SRCIN1: variants seen among roughly 807,000 people sequenced by gnomAD.
The protein encoded by SRCIN1 is SRC kinase signaling inhibitor 1, also known as P130Cas-associated protein.
SRCIN1 carries 50 observed loss-of-function variants against 116.2 expected under a neutral mutation model. The ratio of observed to expected loss-of-function variants is 0.43; its 90% CI spans 0.34 to 0.54. The LOEUF (loss-of-function observed/expected upper bound fraction) is 0.54, where lower values mean the gene tolerates loss of function less well. Ranked by LOEUF, SRCIN1 falls within the 20% of genes least tolerant of loss-of-function variation. SRCIN1 has a pLI of 0.02. For synonymous variants in SRCIN1, 736 were observed against 750.0 expected, an observed-to-expected ratio of 0.98 and a Z score of 0.30; for missense variants, 1,446 against 1,672.0, an observed-to-expected ratio of 0.86 and a Z score of 2.36.
chr17:38,559,695 CG>C lies in SRCIN1; in HGVS notation c.1914del (p.Ala639GlnfsTer48). ...CGGCTAACGGCGGTAGGCTGACCTG[CG>C]GGGGTGCTGCTGGCCGAGGGCGGGG... ...GPPPPSASSTPAGQPTAVSRL... is the reference protein window; with the variant it reads ...GPPPPSASSTXAGQPTAVSRL... On this transcript the variant is annotated frameshift_variant, in exon 10 of 19. Coordinates refer to ENST00000617146, the MANE Select transcript of SRCIN1 (RefSeq NM_025248.3). LOFTEE classifies it high-confidence loss of function. 6.6e-7 allele frequency: 1 copy of C among 1,508,526 alleles called. No individual in the cohort carries two copies. 93.4% of individuals were successfully genotyped at this position (1,508,526 alleles called of 1,614,324 possible).
At chr17:38,565,097 T>C (rs1457984591) in intron 3 of SRCIN1, among the ~76,000 whole-genome samples, 1 of 151,756 alleles carries the variant, frequency 6.6e-6, no homozygotes, top group African/African-American at 2.4e-5. Context: ...CTGAGGCTGA[T>C]ATCTGGCTGG....
At chr17:38,559,427 G>A (rs1906046924) in intron 10 of SRCIN1, 158 bp downstream of exon 10, 1 of 721,070 alleles carries the variant, frequency 1.4e-6, no homozygotes. Context: ...AGGGGAAGGG[G>A]AGAAAGGGTT....
Position 38,558,052 on chromosome 17 carries a change from CAA to C in SRCIN1, c.2201+173_2201+174del, listed in dbSNP as rs988521713. Reference sequence around the variant, plus strand: ...GAAATCAGGAATAATGCCAGCCGGTCAAAAGTTTGTGGGTCACAGTGAAATCA... The same window carrying C: ...GAAATCAGGAATAATGCCAGCCGGTCAAGTTTGTGGGTCACAGTGAAATCA... On this transcript the variant is annotated intron_variant, in intron 11 of 18. Coordinates refer to ENST00000617146, the MANE Select transcript of SRCIN1 (RefSeq NM_025248.3). This position sits in a 1 kb window ranked among gnomAD's most constrained non-coding sequence, Gnocchi z 4.6. 2.6e-5 allele frequency among the ~76,000 whole-genome samples: 4 copies of C among 152,166 alleles called. No homozygotes were observed. The highest frequency in any genetic ancestry group is 4.4e-5 in the Non-Finnish European group (3 of 68,048).
chr17:38,585,720 G>A lies in SRCIN1; in HGVS notation c.23-6929C>T, dbSNP rs917638883. Among the ~76,000 whole-genome samples the A allele has an allele frequency of 1.7e-4, 26 of 152,098 alleles. No homozygotes were observed. The highest frequency in any genetic ancestry group is 5.8e-4 in the African/African-American group (24 of 41,398). ...ACCACAGCAACCAAAGTCATTTTCCGGGCAATTGCCTTTCTGTAAACATTC... is the reference window on the plus strand; with the variant it reads ...ACCACAGCAACCAAAGTCATTTTCCAGGCAATTGCCTTTCTGTAAACATTC... On this transcript the variant is annotated intron_variant, in intron 1 of 18. Coordinates refer to ENST00000617146, the MANE Select transcript of SRCIN1 (RefSeq NM_025248.3). The surrounding 1 kb of genome is among the most constrained non-coding windows in gnomAD (Gnocchi z 4.2).
chr17:38,559,028 C>A, intron 10 of SRCIN1: 1 of 165,744 alleles, frequency 6.0e-6, no homozygotes, highest in Non-Finnish European at 1.3e-5. Flanking sequence ...TGGCAATTCT[C>A]TGCCCCCTCC....
intron 2 of SRCIN1, among the ~76,000 whole-genome samples, 164 bp downstream of exon 2, chr17:38,578,326 C>G (rs549398865): frequency 1.3e-5 from 2 of 152,336 alleles, no homozygotes; most frequent in Non-Finnish European, 2.9e-5. Context: ...ACCAGAGCCA[C>G]TGCCCTGGAG....
chr17:38,589,386 C>T (rs547777717), intron 1 of SRCIN1, among the ~76,000 whole-genome samples: 11 of 152,334 alleles, frequency 7.2e-5, no homozygotes, highest in Admixed American at 5.2e-4. Flanking sequence ...CTCGCTAAAG[C>T]GCCAGGTGGA....
At chr17:38,600,756 T>C (rs1312445144) in intron 1 of SRCIN1, among the ~76,000 whole-genome samples, 1 of 152,222 alleles carries the variant, frequency 6.6e-6, no homozygotes, top group Non-Finnish European at 1.5e-5. Flanking sequence ...ACAGGCAACT[T>C]TGGTGAATTC....
In SRCIN1 at chr17:38,563,882, G is replaced by A; in HGVS notation, c.541+236C>T. The A allele has an allele frequency of 1.6e-6, 1 of 612,116 alleles. No individual in the cohort carries two copies. Among genetic ancestry groups the A allele is most frequent in the Non-Finnish European group, 2.9e-6 (1 of 346,510 alleles). The allele number at this position is 612,116 out of a possible 1,614,324, so 37.9% of individuals were successfully genotyped here. On this transcript the variant is annotated intron_variant, in intron 4 of 18. Transcript: ENST00000617146. This position sits in a 1 kb window ranked among gnomAD's most constrained non-coding sequence, Gnocchi z 5.8. ...AGAGAAGGGAGGGATGAAAGAAAGG[G>A]ACAGAAAAGGAAGCAAGAGGGAGAG...
chr17:38,566,864 CGT>C (rs1267782998), intron 3 of SRCIN1, among the ~76,000 whole-genome samples: 13 of 43,540 alleles, frequency 3.0e-4, no homozygotes, highest in Non-Finnish European at 5.2e-4. Flanking sequence ...TGTTTTGTTT[CGT>C]TTCCTTCCTT....
intron 15 of SRCIN1, among the ~76,000 whole-genome samples, chr17:38,550,594 CA>C (rs1489570875): frequency 6.6e-6 from 1 of 152,208 alleles, no homozygotes; most frequent in Admixed American, 6.5e-5. Context: ...TTGATAAACA[CA>C]AATGTCAGTG....
At chr17:38,560,482 C>A (rs911325926) in intron 7 of SRCIN1, 57 bp from the exon 8 acceptor site, 3 of 1,421,146 alleles carry the variant, frequency 2.1e-6, no homozygotes, top group Non-Finnish European at 2.9e-6. Context: ...CTCTCCTGCC[C>A]AGCCCCCCAT....
At position 38,563,338 on chromosome 17, in the gene SRCIN1, T is replaced by G; in HGVS notation, c.725A>C (p.Glu242Ala). The G allele has an allele frequency of 6.4e-7, 1 of 1,574,132 alleles. No homozygotes were observed. The highest frequency in any genetic ancestry group is 8.6e-7 in the Non-Finnish European group (1 of 1,159,156). ...IKDEARNVFY[E>A]LEDVRDIQDR... ...CCACGCCCACCGGACGTCCTCCAGCTCGTAGAAGACGTTGCGAGCCTCGTC... is the reference window on the plus strand; with the variant it reads ...CCACGCCCACCGGACGTCCTCCAGCGCGTAGAAGACGTTGCGAGCCTCGTC... Residue 242 changes from glutamate to alanine, a missense_variant, in exon 5 of 19, where the codon GAG (glutamate) becomes GCG (alanine). Glu to Ala is a moderately radical substitution (Grantham distance 107, BLOSUM62 -1). Coordinates refer to ENST00000617146, the MANE Select transcript of SRCIN1 (RefSeq NM_025248.3). The surrounding 1 kb of genome is among the most constrained non-coding windows in gnomAD (Gnocchi z 5.8).
chr17:38,564,050 G>A (rs1906485728), intron 4 of SRCIN1, 68 bp downstream of exon 4: 4 of 1,506,596 alleles, frequency 2.7e-6, no homozygotes, highest in Non-Finnish European at 2.7e-6. Flanking sequence ...GGAGGAGGGG[G>A]CTCCAGGGAG....
chr17:38,567,829 T>C (rs76491075), intron 3 of SRCIN1, among the ~76,000 whole-genome samples: 158 of 151,104 alleles, frequency 1.0e-3, no homozygotes, highest in African/African-American at 3.7e-3. Context: ...CCCTGGGAGG[T>C]GAGATATGAA....
intron 1 of SRCIN1, among the ~76,000 whole-genome samples, chr17:38,591,637 C>T (rs1378785898): frequency 6.6e-6 from 1 of 152,206 alleles, no homozygotes; most frequent in Admixed American, 6.5e-5. Context: ...CCAGAACATA[C>T]CTTCCTTGCC....
rs1017642358 is a variant in SRCIN1, at chr17:38,572,169, T to C, written c.325-3938A>G. Among the ~76,000 whole-genome samples the C allele has an allele frequency of 3.9e-5, 6 of 152,142 alleles. No individual in the cohort carries two copies. The highest frequency in any genetic ancestry group is 4.4e-5 in the Non-Finnish European group (3 of 68,000). On this transcript the variant is annotated intron_variant, in intron 2 of 18. Coordinates refer to ENST00000617146, the MANE Select transcript of SRCIN1 (RefSeq NM_025248.3). The surrounding 1 kb of genome is among the most constrained non-coding windows in gnomAD (Gnocchi z 4.3). ...CGGCTCCTTAATCCCCTGGCTGTGCTGCACCGGTGCACACACCCACCTCTC... is the reference window on the plus strand; with the variant it reads ...CGGCTCCTTAATCCCCTGGCTGTGCCGCACCGGTGCACACACCCACCTCTC...
chr17:38,569,178 T>C (rs961519504), intron 2 of SRCIN1, among the ~76,000 whole-genome samples: 1 of 152,146 alleles, frequency 6.6e-6, no homozygotes, highest in Non-Finnish European at 1.5e-5. Context: ...AGAGTCCTCC[T>C]CATTTGCAGT....
chr17:38,537,883 C>T (rs1489817519), intron 18 of SRCIN1, among the ~76,000 whole-genome samples: 1 of 151,610 alleles, frequency 6.6e-6, no homozygotes, highest in African/African-American at 2.4e-5. Flanking sequence ...GGGTGGATCA[C>T]AAGGTCGGGA....
Sources: gnomAD v4.1 joint callset for allele counts (sites outside exome capture counted in the v4.1 genomes callset) on GRCh38, gnomAD v4.1.1 for gene constraint, Gnocchi (gnomAD v3.1) non-coding constraint, MANE v1.5 for transcripts, NCBI Gene and HGNC (gene_info 2026-07-23, HGNC 2026-07-21) for gene names.